LRRC9: variants seen among roughly 807,000 people sequenced by gnomAD.
The protein encoded by LRRC9 is leucine-rich repeat-containing protein 9.
Under a neutral mutation model 63.2 loss-of-function variants are expected in LRRC9, and 122 were observed. The ratio of observed to expected loss-of-function variants is 1.93; its 90% CI spans 1.67 to 2.24. The LOEUF (loss-of-function observed/expected upper bound fraction) is 2.24, where lower values mean the gene tolerates loss of function less well. Among genes scored for constraint, LRRC9 ranks in the 30% most tolerant of loss-of-function variants. The probability of loss-of-function intolerance (pLI) is 0.00; values close to 1 mark genes in which losing one functional copy is unlikely to be tolerated. For missense variants in LRRC9, 1,071 were observed against 627.7 expected (o/e 1.71, Z -7.55); for synonymous variants, 366 against 213.1 (o/e 1.72, Z -6.25).
intron 17 of LRRC9, among the ~76,000 whole-genome samples, chr14:59,993,847 C>T (rs1207061679): frequency 6.6e-6 from 1 of 152,152 alleles, no homozygotes; most frequent in Non-Finnish European, 1.5e-5. Flanking sequence ...GACTTAGACT[C>T]CCACACAATA....
chr14:59,973,138 T>A lies in LRRC9; in HGVS notation c.1507-1438T>A, dbSNP rs183570142. On this transcript the variant is annotated intron_variant, in intron 12 of 31. Transcript: ENST00000445360. ...CTCCTCTTAAAATATAATTTCCTTT[T>A]AAATTTCTGATTATTTGAATTATGT... is the stretch of plus-strand genomic sequence containing the variant. Among the ~76,000 whole-genome samples, 71 of 152,212 alleles carry A rather than the reference T, an allele frequency of 4.7e-4. 1 individual carries two copies. The Middle Eastern group carries it at 0.02, about 44-fold the overall frequency.
chr14:59,984,609 C>T (rs995679134), intron 16 of LRRC9, among the ~76,000 whole-genome samples: 6 of 152,132 alleles, frequency 3.9e-5, no homozygotes, highest in African/African-American at 1.4e-4. Flanking sequence ...CTTAAACAAT[C>T]TCCCACCTCC....
At position 59,986,406 on chromosome 14, in the gene LRRC9, T is replaced by A. The variant is rs1176035276; in HGVS notation, c.2211+1182T>A. 2.6e-5 allele frequency among the ~76,000 whole-genome samples: 4 copies of A among 152,194 alleles called. No individual in the cohort carries two copies. The highest frequency in any genetic ancestry group is 4.4e-5 in the Non-Finnish European group (3 of 68,020). On this transcript the variant is annotated intron_variant, in intron 17 of 31. Coordinates refer to ENST00000445360, the Ensembl canonical transcript of LRRC9. This position sits in a 1 kb window ranked among gnomAD's most constrained non-coding sequence, Gnocchi z 4.7. Reference sequence around the variant, plus strand: ...TACATTATTTCTTCTACCATTGTAATGGGAGCTGTTTCTTTTACTTATTGG... The same window carrying A: ...TACATTATTTCTTCTACCATTGTAAAGGGAGCTGTTTCTTTTACTTATTGG...
At chr14:59,965,287 T>C (rs1302876951) in intron 10 of LRRC9, among the ~76,000 whole-genome samples, 1 of 152,126 alleles carries the variant, frequency 6.6e-6, no homozygotes, top group East Asian at 1.9e-4. Flanking sequence ...AGATCAAATA[T>C]CTTAACGTCT....
chr14:59,975,181 T>TAC (rs1393029110), intron 13 of LRRC9, among the ~76,000 whole-genome samples: 1 of 117,628 alleles, frequency 8.5e-6, no homozygotes, highest in East Asian at 2.6e-4. Flanking sequence ...ATATATACAC[T>TAC]ACACACACGA....
In LRRC9 at chr14:60,004,840, T is replaced by C. The variant is rs1217237172; in HGVS notation, c.2842+1042T>C. On this transcript the variant is annotated intron_variant, in intron 21 of 31. Transcript: ENST00000445360. The surrounding 1 kb of genome is among the most constrained non-coding windows in gnomAD (Gnocchi z 4.8). ...AAATTAAAAAATATGTCCACAAGTG[T>C]GCACTATTTGATTGAAAAGAGAAAT... 1.3e-5 allele frequency among the ~76,000 whole-genome samples: 2 copies of C among 151,322 alleles called. No homozygotes were observed. Among genetic ancestry groups the C allele is most frequent in the Non-Finnish European group, 2.9e-5 (2 of 67,828 alleles).
exon 22 of LRRC9, chr14:60,006,562 A>G (rs1028991918): frequency 2.9e-6 from 2 of 701,542 alleles, no homozygotes; most frequent in Non-Finnish European, 2.6e-6. Flanking sequence ...ACTCTTGTTG[A>G]GTTATACATA....
Position 59,986,518 on chromosome 14 carries a change from C to A in LRRC9, c.2211+1294C>A, listed in dbSNP as rs1035669788. ...TTAAGTAAGTAGAATCCCTGAGAGT[C>A]TGGATTCAGTATGCAACTGAGGGAA... is the stretch of plus-strand genomic sequence containing the variant. On this transcript the variant is annotated intron_variant, in intron 17 of 31. Coordinates refer to ENST00000445360, the Ensembl canonical transcript of LRRC9. The surrounding 1 kb of genome is among the most constrained non-coding windows in gnomAD (Gnocchi z 4.7). Among the ~76,000 whole-genome samples the A allele has an allele frequency of 6.6e-6, 1 of 152,134 alleles. No individual in the cohort carries two copies. The highest frequency in any genetic ancestry group is 2.4e-5 in the African/African-American group (1 of 41,426).
intron 27 of LRRC9, among the ~76,000 whole-genome samples, chr14:60,023,206 A>C (rs887397872): frequency 5.9e-5 from 9 of 152,058 alleles, no homozygotes; most frequent in Admixed American, 3.9e-4. Flanking sequence ...ATATGGAAGT[A>C]CTATGTTATT....
chr14:59,925,513 CA>C (rs947061178), intron 1 of LRRC9, among the ~76,000 whole-genome samples: 2 of 152,180 alleles, frequency 1.3e-5, no homozygotes, highest in Non-Finnish European at 2.9e-5. Context: ...CCCTCATAAC[CA>C]AATTACCTCT....
intron 10 of LRRC9, among the ~76,000 whole-genome samples, chr14:59,961,247 C>A (rs1269571006): frequency 1.3e-5 from 2 of 152,082 alleles, no homozygotes; most frequent in African/African-American, 4.8e-5. Context: ...CTGTTTATGC[C>A]ATTACCGTGA....
chr14:59,971,389 C>T (rs1354159162), intron 12 of LRRC9, among the ~76,000 whole-genome samples: 2 of 152,106 alleles, frequency 1.3e-5, no homozygotes, highest in African/African-American at 4.8e-5. Context: ...ATTCTTTTCG[C>T]ATAGGATTGG....
intron 30 of LRRC9, among the ~76,000 whole-genome samples, chr14:60,055,906 G>GAA (rs11395416): frequency 0.026 from 3,649 of 140,590 alleles, 68 homozygotes; most frequent in Non-Finnish European, 0.041. Context: ...CCCTGTCTTG[G>GAA]AAAAAAAAAA....
exon 23 of LRRC9, chr14:60,008,157 C>T (rs1889969588): frequency 7.1e-6 from 5 of 701,376 alleles, no homozygotes; most frequent in African/African-American, 1.8e-5. Flanking sequence ...AAGAAAACTA[C>T]CGGTTGTTTG....
At position 60,003,843 on chromosome 14, in the gene LRRC9, A is replaced by G; in HGVS notation, c.2842+45A>G. The G allele has an allele frequency of 1.9e-6, 1 of 539,554 alleles. No individual in the cohort carries two copies. 33.4% of individuals were successfully genotyped at this position (539,554 alleles called of 1,614,324 possible). A position where few individuals can be genotyped will look rare whatever the true frequency, so the allele number is the denominator to read the frequency against. The stretch of plus-strand genomic sequence containing the variant: ...TGAAGTCTCAAAATATGGGATGTCT[A>G]AACAACAAAGCAAAAAATAACCCTG... On this transcript the variant is annotated intron_variant, in intron 21 of 31. Coordinates refer to ENST00000445360, the Ensembl canonical transcript of LRRC9. The surrounding 1 kb of genome is among the most constrained non-coding windows in gnomAD (Gnocchi z 4.2).
At chr14:59,982,471 A>T (rs1437624468) in intron 16 of LRRC9, among the ~76,000 whole-genome samples, 1 of 152,166 alleles carries the variant, frequency 6.6e-6, no homozygotes, top group Non-Finnish European at 1.5e-5. Context: ...GCATCTGGTG[A>T]GGGCCTTGCA....
intron 28 of LRRC9, among the ~76,000 whole-genome samples, chr14:60,030,054 T>C (rs1021059605): frequency 6.6e-6 from 1 of 152,074 alleles, no homozygotes; most frequent in Non-Finnish European, 1.5e-5. Context: ...CACTTCAAAT[T>C]TGATTTTTGA....
chr14:60,020,519 T>C (rs998251191), intron 26 of LRRC9, among the ~76,000 whole-genome samples: 1 of 151,946 alleles, frequency 6.6e-6, no homozygotes, highest in Non-Finnish European at 1.5e-5. Context: ...ATATTAAGTG[T>C]ATAATTCAAT....
chr14:59,961,509 A>G (rs536614892), intron 10 of LRRC9, among the ~76,000 whole-genome samples: 5 of 152,324 alleles, frequency 3.3e-5, no homozygotes, highest in Admixed American at 2.6e-4. Flanking sequence ...ACTGTCTAGC[A>G]AATCTTCTGT....
Sources: gnomAD v4.1 joint callset for allele counts (sites outside exome capture counted in the v4.1 genomes callset) on GRCh38, gnomAD v4.1.1 for gene constraint, Gnocchi (gnomAD v3.1) non-coding constraint, MANE v1.5 for transcripts, NCBI Gene and HGNC (gene_info 2026-07-23, HGNC 2026-07-21) for gene names.